Variants in CFAP61 observed in about 807,000 individuals in gnomAD.
CFAP61 encodes cilia and flagella associated protein 61, also known as cilia- and flagella-associated protein 61.
Under a neutral mutation model 135.6 loss-of-function variants are expected in CFAP61, and 107 were observed. That is an observed-to-expected ratio of 0.79 (90% CI 0.67 to 0.93). CFAP61 has a LOEUF of 0.93. Among genes scored for constraint, CFAP61 ranks in the 40% least tolerant of loss-of-function variants. The pLI, the probability that CFAP61 is intolerant of heterozygous loss-of-function variation, is 0.00. For synonymous variants in CFAP61, 575 were observed against 578.5 expected (o/e 0.99, Z 0.09); for missense variants, 1,507 against 1,556.2 (o/e 0.97, Z 0.53).
At chr20:20,218,127 G>T (rs1430532252) in intron 17 of CFAP61, among the ~76,000 whole-genome samples, 1 of 152,162 alleles carries the variant, frequency 6.6e-6, no homozygotes, top group East Asian at 1.9e-4. Context: ...TGGCTTCCCA[G>T]CTGATATGGT....
intron 18 of CFAP61, among the ~76,000 whole-genome samples, chr20:20,234,001 C>T (rs1421479478): frequency 6.6e-6 from 1 of 152,182 alleles, no homozygotes; most frequent in Non-Finnish European, 1.5e-5. Flanking sequence ...CTGAGTCGTA[C>T]ACCCGCCTCC....
In CFAP61 at chr20:20,288,936, G is replaced by C; in HGVS notation, c.3124G>C (p.Gly1042Arg). ...IPMYKGAKIQGGILPGSYHYL... is the reference protein window; with the variant it reads ...IPMYKGAKIQRGILPGSYHYL... The stretch of plus-strand genomic sequence containing the variant: ...CATGTACAAGGGAGCCAAGATTCAA[G>C]GTATACGAGTAGGCTTCCTTCTCCT... Residue 1042 changes from glycine to arginine, a missense_variant and splice_region_variant, in exon 23 of 27, where the codon GGG (glycine) becomes CGG (arginine). Transcript: ENST00000245957. 1 of 1,602,550 alleles carries C rather than the reference G, an allele frequency of 6.2e-7. No homozygotes were observed. Among genetic ancestry groups the C allele is most frequent in the South Asian group, 1.1e-5 (1 of 90,700 alleles).
intron 21 of CFAP61, among the ~76,000 whole-genome samples, chr20:20,275,536 C>T (rs2053689426): frequency 6.6e-6 from 1 of 152,202 alleles, no homozygotes; most frequent in African/African-American, 2.4e-5. Flanking sequence ...CTGGATCAGA[C>T]ACCTCTCCAA....
intron 17 of CFAP61, among the ~76,000 whole-genome samples, chr20:20,216,485 C>G (rs906146712): frequency 5.3e-5 from 8 of 152,324 alleles, no homozygotes; most frequent in Middle Eastern, 3.4e-3. Flanking sequence ...TATTTGGAGT[C>G]TCAGACACCC....
intron 14 of CFAP61, among the ~76,000 whole-genome samples, chr20:20,189,680 G>A (rs756833137): frequency 6.6e-6 from 1 of 152,304 alleles, no homozygotes; most frequent in South Asian, 2.1e-4. Context: ...GCCACTAGCC[G>A]CTAAATGCTG....
At position 20,232,558 on chromosome 20, in the gene CFAP61, T is replaced by A. The variant is rs890071661; in HGVS notation, c.2060+4182T>A. Among the ~76,000 whole-genome samples, 6 of 152,096 alleles carry A rather than the reference T, an allele frequency of 3.9e-5. No individual in the cohort carries two copies. In the East Asian group the frequency reaches 1.2e-3, roughly 29 times the overall value. ...GCCCTGCCCCAGTGTCCCAAACAGG[T>A]TTTTTTCCAGAATTATGCAGAACAG... On this transcript the variant is annotated intron_variant, in intron 18 of 26. Transcript: ENST00000245957.
At chr20:20,256,340 A>G (rs2051565846) in intron 20 of CFAP61, among the ~76,000 whole-genome samples, 1 of 152,190 alleles carries the variant, frequency 6.6e-6, no homozygotes, top group African/African-American at 2.4e-5. Flanking sequence ...AAAGAGAACA[A>G]TACAATATTT....
At chr20:20,159,250 G>A in intron 9 of CFAP61, 120 bp from the exon 10 acceptor site, 1 of 814,846 alleles carries the variant, frequency 1.2e-6, no homozygotes, top group Non-Finnish European at 2.1e-6. Context: ...TTTTCCCAAT[G>A]CCACAAGGCC....
In CFAP61 at chr20:20,186,520, C is replaced by T. The variant is rs547070879; in HGVS notation, c.1386-1410C>T. 8.5e-5 allele frequency among the ~76,000 whole-genome samples: 13 copies of T among 152,146 alleles called. No individual in the cohort carries two copies. The South Asian group carries it at 1.7e-3, about 19-fold the overall frequency. On this transcript the variant is annotated intron_variant, in intron 13 of 26. Coordinates refer to ENST00000245957, the MANE Select transcript of CFAP61 (RefSeq NM_015585.4). ...TTTGTGTGGACATATGTTTTTAATT[C>T]GCTTGAGTATTTTTCTAGTGCTTTT...
intron 8 of CFAP61, among the ~76,000 whole-genome samples, chr20:20,109,785 A>G (rs1298950557): frequency 6.6e-6 from 1 of 152,034 alleles, no homozygotes; most frequent in Admixed American, 6.5e-5. Flanking sequence ...CTCTTAATCT[A>G]TCAAGTCTAT....
At chr20:20,233,400 G>A (rs1438163402) in intron 18 of CFAP61, among the ~76,000 whole-genome samples, 1 of 152,212 alleles carries the variant, frequency 6.6e-6, no homozygotes, top group Non-Finnish European at 1.5e-5. Flanking sequence ...TCATTGCGCT[G>A]TGCAAAAACG....
chr20:20,305,672 G>T (rs540271793), intron 25 of CFAP61, among the ~76,000 whole-genome samples: 1 of 152,156 alleles, frequency 6.6e-6, no homozygotes, highest in East Asian at 1.9e-4. Context: ...ACTTCAGATC[G>T]TGCCAGTCCT....
chr20:20,341,999 T>C (rs2058459850), intron 26 of CFAP61, 78 bp downstream of exon 26: 6 of 911,190 alleles, frequency 6.6e-6, no homozygotes, highest in Non-Finnish European at 1.0e-5. Flanking sequence ...TTTAGACTTT[T>C]CCCTACATTC....
rs1601710710 is a variant in CFAP61 at position 20,265,267 on chromosome 20, A to G, written c.2503+2137A>G. On this transcript the variant is annotated intron_variant, in intron 21 of 26. Transcript: ENST00000245957. ...TTTGTGTGTTTTGGTTGTTTGGGCT[A>G]GGGAGCATTTGACCAAGAAAAGAGC... 4.2e-6 allele frequency: 3 copies of G among 709,822 alleles called. No homozygotes were observed. The East Asian group carries it at 7.4e-5, about 18-fold the overall frequency. The allele number at this position is 709,822 out of a possible 1,614,324, so 44.0% of individuals were successfully genotyped here.
intron 17 of CFAP61, among the ~76,000 whole-genome samples, chr20:20,227,075 C>A (rs887752543): frequency 1.3e-5 from 2 of 152,198 alleles, no homozygotes; most frequent in Non-Finnish European, 2.9e-5. Flanking sequence ...GATTTAAGCT[C>A]TAGATCTGAG....
intron 2 of CFAP61, among the ~76,000 whole-genome samples, chr20:20,058,352 C>T (rs888862003): frequency 4.6e-5 from 7 of 152,204 alleles, no homozygotes; most frequent in African/African-American, 1.7e-4. Context: ...AAGCTAAGGA[C>T]TGTGTAGGGA....
At chr20:20,241,395 C>T (rs1007974091) in intron 18 of CFAP61, among the ~76,000 whole-genome samples, 18 of 152,076 alleles carry the variant, frequency 1.2e-4, no homozygotes, top group Admixed American at 1.2e-3. Context: ...AGAGTGGAAA[C>T]CTGTTTTTTA....
In CFAP61 at chr20:20,274,793, A is replaced by G. The variant is rs544345225; in HGVS notation, c.2504-2373A>G. ...GGAAGGATGTGATTTGACCTGTAAC[A>G]TGTTTTATTTATTTAATATAACATT... is the stretch of plus-strand genomic sequence containing the variant. On this transcript the variant is annotated intron_variant, in intron 21 of 26. Transcript: ENST00000245957. Among the ~76,000 whole-genome samples the G allele has an allele frequency of 2.6e-5, 4 of 152,326 alleles. No individual in the cohort carries two copies. The East Asian group carries it at 7.7e-4, about 29-fold the overall frequency.
intron 26 of CFAP61, among the ~76,000 whole-genome samples, chr20:20,348,689 CAAAAAAAA>C (rs71198052): frequency 6.0e-4 from 32 of 53,446 alleles, no homozygotes; most frequent in Admixed American, 4.1e-3. Flanking sequence ...GACTCCGTAT[CAAAAAAAA>C]AAAAAAAAAA....
Sources: allele counts gnomAD v4.1 joint callset (sites outside exome capture counted in the v4.1 genomes callset), GRCh38; gene constraint gnomAD v4.1.1; transcripts MANE v1.5; gene names NCBI Gene and HGNC (gene_info 2026-07-23, HGNC 2026-07-21).